Variants in TENM4 observed in about 807,000 individuals in gnomAD.
TENM4 encodes teneurin-4.
TENM4 carries 82 observed loss-of-function variants against 243.3 expected under a neutral mutation model. The ratio of observed to expected loss-of-function variants is 0.34; its 90% CI spans 0.28 to 0.40. The LOEUF is 0.40. Among genes scored for constraint, TENM4 ranks in the 10% least tolerant of loss-of-function variants. The probability of loss-of-function intolerance (pLI) is 1.00; values close to 1 mark genes in which losing one functional copy is unlikely to be tolerated. For synonymous variants in TENM4, 1,412 were observed against 1,456.3 expected, an observed-to-expected ratio of 0.97 and a Z score of 0.69; for missense variants, 3,138 against 3,673.3, an observed-to-expected ratio of 0.85 and a Z score of 3.77.
intron 25 of TENM4, among the ~76,000 whole-genome samples, chr11:78,714,576 T>G (rs1347964781): frequency 2.0e-5 from 3 of 152,096 alleles, no homozygotes; most frequent in Admixed American, 6.5e-5. Context: ...AACCTGCCAT[T>G]TCAATGCTTT....
At chr11:78,829,907 G>A (rs958526371) in intron 12 of TENM4, among the ~76,000 whole-genome samples, 1 of 152,186 alleles carries the variant, frequency 6.6e-6, no homozygotes, top group Non-Finnish European at 1.5e-5. Context: ...TGTGACAACA[G>A]GATAAGAGGG....
intron 5 of TENM4, chr11:79,067,884 T>C (rs922474013): frequency 6.6e-6 from 1 of 152,238 alleles, no homozygotes; most frequent in Non-Finnish European, 1.5e-5. Context: ...AATGTTCTTG[T>C]CTTTAAAATG....
intron 6 of TENM4, among the ~76,000 whole-genome samples, chr11:78,912,282 T>C (rs1278041245): frequency 6.6e-6 from 1 of 152,030 alleles, no homozygotes; most frequent in Non-Finnish European, 1.5e-5. Flanking sequence ...TGAGACAGAG[T>C]CTTGCTCTGT....
In TENM4 at chr11:79,305,677, G is replaced by T. The variant is rs557921464; in HGVS notation, c.-320-8134C>A. On this transcript the variant is annotated intron_variant, in intron 1 of 33. Transcript: ENST00000278550. ...TCAGGGGCCAGCTTCTAGCAATGCG[G>T]TCATCCACCAAAGGCTTTTAAGCTG... Among the ~76,000 whole-genome samples the T allele has an allele frequency of 3.3e-5, 5 of 152,334 alleles. 1 individual carries two copies. In the South Asian group the frequency reaches 8.3e-4, roughly 25 times the overall value.
chr11:78,660,469 G>A (rs1036365457), intron 33 of TENM4, among the ~76,000 whole-genome samples: 4 of 152,128 alleles, frequency 2.6e-5, no homozygotes, highest in African/African-American at 9.7e-5. Context: ...AGTACAGTGT[G>A]GGAAGTGCCA....
intron 6 of TENM4, among the ~76,000 whole-genome samples, chr11:78,930,636 C>T (rs1373280741): frequency 1.3e-5 from 2 of 152,226 alleles, no homozygotes; most frequent in African/African-American, 2.4e-5. Flanking sequence ...CCCATGTGAA[C>T]TGGCCCGGGC....
intron 4 of TENM4, among the ~76,000 whole-genome samples, chr11:79,134,764 C>T (rs1286285251): frequency 6.6e-6 from 1 of 152,030 alleles, no homozygotes; most frequent in East Asian, 1.9e-4. Context: ...CTATTCAACA[C>T]ATGGTGCTGG....
chr11:79,128,110 G>T (rs1435409800), intron 4 of TENM4, among the ~76,000 whole-genome samples: 1 of 152,334 alleles, frequency 6.6e-6, no homozygotes, highest in African/African-American at 2.4e-5. Flanking sequence ...CAGATCCAAT[G>T]GTGCTTGAGG....
chr11:78,840,227 C>T (rs760258700), intron 12 of TENM4, among the ~76,000 whole-genome samples: 3 of 152,136 alleles, frequency 2.0e-5, no homozygotes, highest in South Asian at 2.1e-4. Context: ...GAAAACATCA[C>T]GTTAGCCTTC....
At chr11:79,316,014 A>T (rs563041440) in intron 1 of TENM4, among the ~76,000 whole-genome samples, 3 of 152,190 alleles carry the variant, frequency 2.0e-5, no homozygotes, top group Non-Finnish European at 4.4e-5. Flanking sequence ...TACTCTATAT[A>T]TGAGTGTTCT....
intron 16 of TENM4, among the ~76,000 whole-genome samples, chr11:78,783,395 T>C (rs776908215): frequency 6.6e-6 from 1 of 152,232 alleles, no homozygotes; most frequent in African/African-American, 2.4e-5. Context: ...ATTAGTGCCA[T>C]GTAAGTAACA....
intron 6 of TENM4, among the ~76,000 whole-genome samples, chr11:79,007,960 G>T (rs1253044353): frequency 6.6e-6 from 1 of 152,114 alleles, no homozygotes; most frequent in African/African-American, 2.4e-5. Flanking sequence ...CAAGCCACTG[G>T]GTTTAAAACA....
In TENM4 at chr11:79,437,547, C is replaced by T. The variant is rs368199553; in HGVS notation, c.-321+2962G>A. On this transcript the variant is annotated intron_variant, in intron 1 of 33. Transcript: ENST00000278550. ...CCGGCCGCCCCGCTGGTTCGCACCGCTGCTCCGGCCACCGAGGAGCCCAAA... is the reference window on the plus strand; with the variant it reads ...CCGGCCGCCCCGCTGGTTCGCACCGTTGCTCCGGCCACCGAGGAGCCCAAA... 3.2e-4 allele frequency among the ~76,000 whole-genome samples: 48 copies of T among 152,312 alleles called. No individual in the cohort carries two copies. The East Asian group carries it at 8.5e-3, about 27-fold the overall frequency.
chr11:79,085,015 C>T (rs1234436779), intron 4 of TENM4, among the ~76,000 whole-genome samples: 1 of 152,120 alleles, frequency 6.6e-6, no homozygotes, highest in Non-Finnish European at 1.5e-5. Context: ...CACAGGCTAT[C>T]TCTTGTTATT....
At chr11:79,291,690 G>A (rs563626966) in intron 2 of TENM4, among the ~76,000 whole-genome samples, 9 of 152,158 alleles carry the variant, frequency 5.9e-5, no homozygotes, top group South Asian at 2.1e-4. Context: ...GCTTCCAGGC[G>A]CAGTATTATT....
chr11:79,159,148 C>A (rs1481056777), intron 3 of TENM4, among the ~76,000 whole-genome samples: 1 of 152,132 alleles, frequency 6.6e-6, no homozygotes, highest in Non-Finnish European at 1.5e-5. Flanking sequence ...AAGAGGGGGG[C>A]TCTACATGGC....
intron 6 of TENM4, among the ~76,000 whole-genome samples, chr11:78,955,871 G>A (rs989708510): frequency 6.6e-6 from 1 of 152,178 alleles, no homozygotes; most frequent in Non-Finnish European, 1.5e-5. Context: ...TGTCACCACT[G>A]CCCTCAATGC....
At chr11:78,699,937 T>C (rs1859065246) in intron 28 of TENM4, among the ~76,000 whole-genome samples, 1 of 152,244 alleles carries the variant, frequency 6.6e-6, no homozygotes, top group South Asian at 2.1e-4. Flanking sequence ...AATGGAATTA[T>C]TTAGCGTATT....
At chr11:79,070,890 C>A (rs763394086) in intron 4 of TENM4, among the ~76,000 whole-genome samples, 2 of 152,328 alleles carry the variant, frequency 1.3e-5, no homozygotes, top group Admixed American at 6.5e-5. Context: ...TCTTAGTACA[C>A]AAAAGTGCCC....
Sources: gnomAD v4.1 joint callset for allele counts (sites outside exome capture counted in the v4.1 genomes callset) on GRCh38, gnomAD v4.1.1 for gene constraint, MANE v1.5 for transcripts, NCBI Gene and HGNC (gene_info 2026-07-23, HGNC 2026-07-21) for gene names.